Variants in LRRK1 observed in about 807,000 individuals in gnomAD.
LRRK1 encodes the protein leucine-rich repeat serine/threonine-protein kinase 1.
A neutral mutation model predicts 209.1 loss-of-function variants in LRRK1; 113 were observed. That is an observed-to-expected ratio of 0.54 (90% CI 0.46 to 0.63). The LOEUF (loss-of-function observed/expected upper bound fraction) is 0.63. Ranked by LOEUF, LRRK1 falls within the 30% of genes least tolerant of loss-of-function variation. The probability of loss-of-function intolerance (pLI) is 0.00; values close to 1 mark genes in which losing one functional copy is unlikely to be tolerated. For synonymous variants in LRRK1, 1,144 were observed against 1,099.7 expected (o/e 1.04, Z -0.80); for missense variants, 2,284 against 2,632.2 (o/e 0.87, Z 2.89).
At chr15:101,021,724 G>T in intron 13 of LRRK1, 121 bp from the exon 14 acceptor site, 1 of 636,814 alleles carries the variant, frequency 1.6e-6, no homozygotes, top group Non-Finnish European at 2.8e-6. Flanking sequence ...AGGGCTCAAA[G>T]TGTGGGGTCT....
rs751131310 is a variant in LRRK1 at position 101,070,957 on chromosome 15, C to G, written c.*2109C>G. ...TCACTTATCTTCATTACAGAGAGTT[C>G]GTAATGTCAATAAGAAACAGAAAAC... On this transcript the variant is annotated 3_prime_UTR_variant, in exon 34 of 34. Coordinates refer to ENST00000388948, the MANE Select transcript of LRRK1 (RefSeq NM_024652.6). The G allele has an allele frequency of 6.6e-6, 1 of 152,096 alleles. No individual in the cohort carries two copies. The highest frequency in any genetic ancestry group is 1.5e-5 in the Non-Finnish European group (1 of 68,034). 9.4% of individuals were successfully genotyped at this position (152,096 alleles called of 1,614,324 possible).
At position 101,008,936 on chromosome 15, in the gene LRRK1, A is replaced by G; in HGVS notation, c.862A>G (p.Asn288Asp). ...GATCACGGAGCTCGACCTTTCTGCCAACTGCCTGGCGACCCTCCCCTCGGT... is the reference window on the plus strand; with the variant it reads ...GATCACGGAGCTCGACCTTTCTGCCGACTGCCTGGCGACCCTCCCCTCGGT... The part of the protein sequence containing the change: ...CQITELDLSA[N>D]CLATLPSVIP... Residue 288 changes from asparagine (N) to aspartate (D), a missense_variant, in exon 7 of 34, where the codon AAC becomes GAC. Coordinates refer to ENST00000388948, the MANE Select transcript of LRRK1 (RefSeq NM_024652.6). 1 of 1,614,148 alleles carries G rather than the reference A, an allele frequency of 6.2e-7. No homozygotes were observed. Among genetic ancestry groups the G allele is most frequent in the Non-Finnish European group, 8.5e-7 (1 of 1,180,022 alleles).
At chr15:101,059,065 C>T (rs1021566965) in intron 29 of LRRK1, among the ~76,000 whole-genome samples, 1 of 152,178 alleles carries the variant, frequency 6.6e-6, no homozygotes, top group African/African-American at 2.4e-5. Flanking sequence ...AGGGTTGTGA[C>T]ACAGACGTAC....
intron 33 of LRRK1, chr15:101,067,319 T>G: frequency 4.4e-6 from 2 of 456,156 alleles, no homozygotes; most frequent in Non-Finnish European, 8.8e-6. Context: ...TGCAGTGATG[T>G]GAGGCTGGCG....
rs542482978 is a variant in LRRK1, at chr15:100,977,977, A to G, written c.261+4010A>G. On this transcript the variant is annotated intron_variant, in intron 3 of 33. Coordinates refer to ENST00000388948, the MANE Select transcript of LRRK1 (RefSeq NM_024652.6). The stretch of plus-strand genomic sequence containing the variant: ...AAAATGCTTCTGTGAGCAATTATAA[A>G]TACACTTGAAACAAATGGAGTAATA... Among the ~76,000 whole-genome samples, 3 of 152,364 alleles carry G rather than the reference A, an allele frequency of 2.0e-5. 1 individual carries two copies. In the South Asian group the frequency reaches 6.2e-4, roughly 32 times the overall value.
rs1372221915 is a variant in LRRK1, at chr15:101,053,336, G to C, written c.3970G>C (p.Gly1324Arg). 6.2e-7 allele frequency: 1 copy of C among 1,603,886 alleles called. No individual in the cohort carries two copies. The change falls in exon 26 of 34, where the codon GGC (glycine) becomes CGC (arginine). Residue 1324 changes from glycine to arginine, a missense_variant. Gly to Arg is a moderately radical substitution (Grantham distance 125). Transcript: ENST00000388948. Reference protein sequence around the residue: ...LQHPCIVALIGISIHPLCFAL... With the variant: ...LQHPCIVALIRISIHPLCFAL... The stretch of plus-strand genomic sequence containing the variant: ...GCACCCCTGCATCGTGGCGCTCATC[G>C]GCATCAGCATCCACCCGCTCTGCTT...
At chr15:101,067,455 GTGTGTGTGTA>G (rs1269097274) in intron 33 of LRRK1, 1 of 253,690 alleles carries the variant, frequency 3.9e-6, no homozygotes, top group Non-Finnish European at 8.6e-6. Context: ...GTGTGTGTGT[GTGTGTGTGTA>G]CTTTGGAGCT....
rs1052984157 is a variant in LRRK1 at position 101,074,074 on chromosome 15, C to T, written c.*5226C>T. ...GCGTTCTTTTACACATCAGTCCCTC[C>T]CTAGTCTCTGTTCCCAGTGCAACTC... On this transcript the variant is annotated 3_prime_UTR_variant, in exon 34 of 34. Transcript: ENST00000388948. 8 of 152,168 alleles carry T rather than the reference C, an allele frequency of 5.3e-5. No individual in the cohort carries two copies. Among genetic ancestry groups the T allele is most frequent in the African/African-American group, 1.9e-4 (8 of 41,434 alleles). 9.4% of individuals were successfully genotyped at this position (152,168 alleles called of 1,614,324 possible). A position where few individuals can be genotyped will look rare whatever the true frequency, so the allele number is the denominator to read the frequency against.
intron 12 of LRRK1, among the ~76,000 whole-genome samples, chr15:101,017,504 CAGG>C (rs1229342148): frequency 2.6e-5 from 4 of 152,156 alleles, no homozygotes; most frequent in African/African-American, 9.7e-5. Context: ...CCAGGCCACA[CAGG>C]AGGAGGTGAG....
In LRRK1 at chr15:101,010,847, A is replaced by G. The variant is rs1389263769; in HGVS notation, c.1281+10A>G. 35 of 1,603,266 alleles carry G rather than the reference A, an allele frequency of 2.2e-5. No homozygotes were observed. The highest frequency in any genetic ancestry group is 5.6e-5 in the South Asian group (5 of 88,872). On this transcript the variant is annotated intron_variant, in intron 9 of 33. Coordinates refer to ENST00000388948, the MANE Select transcript of LRRK1 (RefSeq NM_024652.6). ...CTGGGCCTGCCCTTTGGTGAGTATC[A>G]CACCAAAAGTCATGAAAGCCACAGT...
chr15:101,009,817 A>T (rs2033148797), intron 7 of LRRK1, among the ~76,000 whole-genome samples: 1 of 152,122 alleles, frequency 6.6e-6, no homozygotes, highest in Non-Finnish European at 1.5e-5. Flanking sequence ...TGACCTCCTG[A>T]CCTCATGATC....
rs539996558 is a variant in LRRK1 at position 100,967,120 on chromosome 15, A to C, written c.98-6684A>C. The stretch of plus-strand genomic sequence containing the variant: ...GTGCCCCCATCTGAGGGATGACAGC[A>C]GTTGATTCTATTCCTTCTGGGCCCT... On this transcript the variant is annotated intron_variant, in intron 2 of 33. Coordinates refer to ENST00000388948, the MANE Select transcript of LRRK1 (RefSeq NM_024652.6). Among the ~76,000 whole-genome samples, 144 of 152,332 alleles carry C rather than the reference A, an allele frequency of 9.5e-4. 1 individual carries two copies. Among genetic ancestry groups the C allele is most frequent in the Non-Finnish European group, 1.9e-3 (128 of 68,032 alleles).
chr15:100,983,637 C>A lies in LRRK1; in HGVS notation c.371C>A (p.Ala124Asp). ...ACCGAGCCCACGGATGACAACCCAG[C>A]CGTGGTGGCAGCGTATTTTGGACAC... Reference protein sequence around the residue: ...LPTEPTDDNPAVVAAYFGHTA... With the variant: ...LPTEPTDDNPDVVAAYFGHTA... The change falls in exon 4 of 34, where the codon GCC (alanine) becomes GAC (aspartate). Residue 124 changes from alanine to aspartate, a missense_variant. Coordinates refer to ENST00000388948, the MANE Select transcript of LRRK1 (RefSeq NM_024652.6). The A allele has an allele frequency of 6.2e-7, 1 of 1,608,772 alleles. No individual in the cohort carries two copies. The highest frequency in any genetic ancestry group is 8.5e-7 in the Non-Finnish European group (1 of 1,176,190).
chr15:101,010,884 C>CT, intron 9 of LRRK1, 47 bp downstream of exon 9: 4 of 1,557,448 alleles, frequency 2.6e-6, no homozygotes, highest in Non-Finnish European at 3.5e-6. Flanking sequence ...AACTCTGCCT[C>CT]TCAGCTGGCC....
chr15:101,027,100 T>C lies in LRRK1; in HGVS notation c.2406-161T>C, dbSNP rs61413461. 3.8e-4 allele frequency among the ~76,000 whole-genome samples: 58 copies of C among 152,274 alleles called. No individual in the cohort carries two copies. The East Asian group carries it at 6.2e-3, about 16-fold the overall frequency. On this transcript the variant is annotated intron_variant, in intron 17 of 33. Transcript: ENST00000388948. This position sits in a 1 kb window ranked among gnomAD's most constrained non-coding sequence, Gnocchi z 5.1. Reference sequence around the variant, plus strand: ...ACACAGTGTGGGGCACCCAGCACAGTGATTTGCACAAAGCAAGGCCTCAAT... The same window carrying C: ...ACACAGTGTGGGGCACCCAGCACAGCGATTTGCACAAAGCAAGGCCTCAAT...
chr15:101,028,207 G>A lies in LRRK1; in HGVS notation c.2686+410G>A, dbSNP rs72766815. Among the ~76,000 whole-genome samples, 633 of 152,340 alleles carry A rather than the reference G, an allele frequency of 4.2e-3. 2 individuals are homozygous for A. Among genetic ancestry groups the A allele is most frequent in the Non-Finnish European group, 7.3e-3 (496 of 68,030 alleles). On this transcript the variant is annotated intron_variant, in intron 19 of 33. Coordinates refer to ENST00000388948, the MANE Select transcript of LRRK1 (RefSeq NM_024652.6). ...GAGAGACGCAGCGTTGGGCTCCTGC[G>A]AGCCTCTGGTCACCACATACTCACC...
intron 2 of LRRK1, among the ~76,000 whole-genome samples, chr15:100,968,479 C>T (rs4965747): frequency 0.52 from 79,106 of 151,904 alleles, 21,220 homozygotes; most frequent in South Asian, 0.62. Flanking sequence ...CTGGTTGCTC[C>T]ATGTCCTCAC....
intron 2 of LRRK1, among the ~76,000 whole-genome samples, chr15:100,953,118 T>C (rs1372057851): frequency 6.6e-6 from 1 of 152,210 alleles, no homozygotes; most frequent in Non-Finnish European, 1.5e-5. Context: ...ATAATTACCT[T>C]TGTGTGCCCG....
intron 4 of LRRK1, among the ~76,000 whole-genome samples, chr15:100,985,806 G>A (rs2031834929): frequency 2.0e-5 from 3 of 152,344 alleles, no homozygotes; most frequent in Admixed American, 2.0e-4. Context: ...TGCAGAGATG[G>A]GCAAAACAGT....
Sources: allele counts gnomAD v4.1 joint callset (sites outside exome capture counted in the v4.1 genomes callset), GRCh38; gene constraint gnomAD v4.1.1; non-coding constraint Gnocchi (gnomAD v3.1); transcripts MANE v1.5; gene names NCBI Gene and HGNC (gene_info 2026-07-23, HGNC 2026-07-21).